The following CCDC78 variants were observed in gnomAD, a reference collection of about 807,000 sequenced individuals.
The protein encoded by CCDC78 is coiled-coil domain containing 78, also known as coiled-coil domain-containing protein 78.
Under a neutral mutation model 61.9 loss-of-function variants are expected in CCDC78, and 78 were observed. The ratio of observed to expected loss-of-function variants is 1.26; its 90% CI spans 1.05 to 1.52. The LOEUF (loss-of-function observed/expected upper bound fraction) is 1.52. CCDC78 is among the 40% of genes most tolerant of loss of function. The probability of loss-of-function intolerance (pLI) is 0.00; values close to 1 mark genes in which losing one functional copy is unlikely to be tolerated. For synonymous variants in CCDC78, 287 were observed against 251.9 expected, an observed-to-expected ratio of 1.14 and a Z score of -1.32; for missense variants, 737 against 615.5, an observed-to-expected ratio of 1.20 and a Z score of -2.09.
chr16:724,208 G>A lies in CCDC78; in HGVS notation c.954-3C>T, dbSNP rs772746916. 2 of 1,592,592 alleles carry A rather than the reference G, an allele frequency of 1.3e-6. No individual in the cohort carries two copies. The highest frequency in any genetic ancestry group is 1.7e-6 in the Non-Finnish European group (2 of 1,168,890). On this transcript the variant is annotated splice_polypyrimidine_tract_variant and splice_region_variant and intron_variant, in intron 9 of 13. Coordinates refer to ENST00000345165, the MANE Select transcript of CCDC78 (RefSeq NM_001378030.1). Reference sequence around the variant, plus strand: ...TAGCTTGGGGGTTCCCAGGTGCCCTGTCAGGGTAGGCTAGTGTCTGTCTGG... The same window carrying A: ...TAGCTTGGGGGTTCCCAGGTGCCCTATCAGGGTAGGCTAGTGTCTGTCTGG...
chr16:724,467 G>C lies in CCDC78; in HGVS notation c.808C>G (p.Leu270Val). The change falls in exon 9 of 14, where the codon CTC becomes GTC. Residue 270 changes from leucine (L) to valine (V), a missense_variant. By Grantham distance (32) the Leu-to-Val change is conservative (BLOSUM62 1). Coordinates refer to ENST00000345165, the MANE Select transcript of CCDC78 (RefSeq NM_001378030.1). ...AGAGTCGCCTCCAGGAATGTCCGGAGGGCCGTGGTGGCTGGCGCTTGGCCT... is the reference window on the plus strand; with the variant it reads ...AGAGTCGCCTCCAGGAATGTCCGGACGGCCGTGGTGGCTGGCGCTTGGCCT... ...GAGQAPATTA[L>V]RTFLEATLED... 6.2e-7 allele frequency: 1 copy of C among 1,601,712 alleles called. No individual in the cohort carries two copies. Among genetic ancestry groups the C allele is most frequent in the African/African-American group, 1.3e-5 (1 of 75,044 alleles).
In CCDC78 at chr16:724,184, A is replaced by G; in HGVS notation, c.975T>C (p.Ala325=). 1.2e-6 allele frequency: 2 copies of G among 1,601,596 alleles called. No individual in the cohort carries two copies. Among genetic ancestry groups the G allele is most frequent in the Non-Finnish European group, 1.7e-6 (2 of 1,173,790 alleles). ...GGTCCAAGCTGGCTATGTCAAAAAT[A>G]GCTTGGGGGTTCCCAGGTGCCCTGT... ...VAYRAPGNPQ[A]IFDIASLDLE... is the part of the protein sequence containing the mutation. The change falls in exon 10 of 14, where the codon GCT becomes GCC. Residue 325 remains alanine, a synonymous_variant. Transcript: ENST00000345165.
In CCDC78 at chr16:724,817, A is replaced by C. The variant is rs375444284; in HGVS notation, c.640-11T>G. The C allele has an allele frequency of 6.2e-7, 1 of 1,611,680 alleles. No homozygotes were observed. The highest frequency in any genetic ancestry group is 1.3e-5 in the African/African-American group (1 of 74,914). On this transcript the variant is annotated splice_polypyrimidine_tract_variant and intron_variant, in intron 7 of 13. Transcript: ENST00000345165. ...GCAGCTGCACAGCACCTGGGGTGGA[A>C]GCAGCCCTCCACCTGTGCCCTGAGA... is the stretch of plus-strand genomic sequence containing the variant.
intron 3 of CCDC78, 98 bp downstream of exon 3, chr16:725,688 GAGACCCAC>G (rs1242451421): frequency 1.3e-6 from 2 of 1,570,836 alleles, no homozygotes; most frequent in Non-Finnish European, 1.7e-6. Flanking sequence ...GAGGCAGGCT[GAGACCCAC>G]AGATGCCATG....
upstream of CCDC78, chr16:726,695 C>G (rs2040975432): frequency 4.2e-6 from 2 of 479,774 alleles, no homozygotes; most frequent in Admixed American, 8.3e-5. Flanking sequence ...CGGCAGCCCG[C>G]CCGCAGGATG....
rs148595483 is a variant in CCDC78, at chr16:724,193, G to A, written c.966C>T (p.Asn322=). The A allele has an allele frequency of 3.1e-6, 5 of 1,597,390 alleles. No homozygotes were observed. The highest frequency in any genetic ancestry group is 3.4e-6 in the Non-Finnish European group (4 of 1,171,558). Residue 322 remains asparagine (N), a synonymous_variant, in exon 10 of 14, where the codon AAC becomes AAT. Transcript: ENST00000345165. ...TGGCTATGTCAAAAATAGCTTGGGG[G>A]TTCCCAGGTGCCCTGTCAGGGTAGG... ...ELLVAYRAPG[N]PQAIFDIASL...
Position 726,062 on chromosome 16 carries a change from C to T in CCDC78, c.84G>A (p.Trp28Ter). The T allele has an allele frequency of 5.8e-6, 9 of 1,548,718 alleles. No individual in the cohort carries two copies. Among genetic ancestry groups the T allele is most frequent in the Non-Finnish European group, 7.0e-6 (8 of 1,146,700 alleles). Reference sequence around the variant, plus strand: ...CGGTGCCCCCAGGAGCTCCTGGCAGCCAGTCCTTGGCTCGTAGCACAACCT... The same window carrying T: ...CGGTGCCCCCAGGAGCTCCTGGCAGTCAGTCCTTGGCTCGTAGCACAACCT... ...VENVVLRAKD[W>*]LPGAPGGTAV... is the part of the protein sequence containing the mutation. Residue 28 changes from tryptophan (W) to a stop codon, truncating the protein, a stop_gained, in exon 2 of 14, where the codon TGG (tryptophan) becomes TGA (stop). Transcript: ENST00000345165. LOFTEE classifies it high-confidence loss of function.
Position 724,375 on chromosome 16 carries a change from G to A in CCDC78, c.900C>T (p.His300=). The change falls in exon 9 of 14, where the codon CAC becomes CAT. Residue 300 remains histidine, a synonymous_variant. Transcript: ENST00000345165. ...QQLARAARSY[H]KRLVDLSRRH... is the part of the protein sequence containing the mutation. ...TGCGGCTCAGATCCACCAGCCTCTT[G>A]TGGTAGCTGCGGGCAGCCCGGGCCA... is the stretch of plus-strand genomic sequence containing the variant. 6.2e-7 allele frequency: 1 copy of A among 1,612,218 alleles called. No individual in the cohort carries two copies. The highest frequency in any genetic ancestry group is 8.5e-7 in the Non-Finnish European group (1 of 1,179,908).
Position 722,788 on chromosome 16 carries a change from A to G in CCDC78, c.1303T>C (p.Tyr435His). 6.2e-7 allele frequency: 1 copy of G among 1,612,542 alleles called. No individual in the cohort carries two copies. The highest frequency in any genetic ancestry group is 1.1e-5 in the South Asian group (1 of 91,082). ...QEYVDQHLGR[Y>H]KHEILRLRKL... ...CTCAGCCTCAGGATTTCGTGCTTGT[A>G]CCTGCTCAGAGGAACCATGCTTAAG... Residue 435 changes from tyrosine (Y) to histidine (H), a missense_variant and splice_region_variant, in exon 14 of 14, where the codon TAC (tyrosine) becomes CAC (histidine). Physicochemically the swap from Tyr to His is moderately conservative, Grantham distance 83. Coordinates refer to ENST00000345165, the MANE Select transcript of CCDC78 (RefSeq NM_001378030.1).
intron 8 of CCDC78, 29 bp downstream of exon 8, chr16:724,652 A>G (rs749080322): frequency 3.1e-6 from 5 of 1,602,464 alleles, no homozygotes; most frequent in East Asian, 4.5e-5. Flanking sequence ...TGGGCTCCCT[A>G]GGCCTCAGGG....
chr16:726,475 T>A, upstream of CCDC78: 4 of 1,396,564 alleles, frequency 2.9e-6, no homozygotes, highest in Non-Finnish European at 3.8e-6. Flanking sequence ...AAGGCCTCTG[T>A]TGGTCCCAGG....
intron 6 of CCDC78, 30 bp from the exon 7 acceptor site, chr16:725,019 C>T: frequency 1.2e-6 from 2 of 1,612,382 alleles, no homozygotes; most frequent in South Asian, 2.2e-5. Context: ...GCTCAGCAGG[C>T]CCACGATCAG....
rs558573616 is a variant in CCDC78 at position 726,400 on chromosome 16, G to A, written c.-33C>T. On this transcript the variant is annotated 5_prime_UTR_variant, in exon 1 of 14. Coordinates refer to ENST00000345165, the MANE Select transcript of CCDC78 (RefSeq NM_001378030.1). The stretch of plus-strand genomic sequence containing the variant: ...GGAACCCTGGCCAGCTCCGAGCCCG[G>A]TGCTGCCTCCACGCCCGGCTTCCCC... 2.2e-5 allele frequency: 34 copies of A among 1,511,546 alleles called. No individual in the cohort carries two copies. In the East Asian group the frequency reaches 7.4e-4, roughly 33 times the overall value. 93.6% of individuals were successfully genotyped at this position (1,511,546 alleles called of 1,614,324 possible). A position where few individuals can be genotyped will look rare whatever the true frequency, so the allele number is the denominator to read the frequency against.
intron 1 of CCDC78, 26 bp downstream of exon 1, chr16:726,282 G>A: frequency 6.5e-7 from 1 of 1,549,452 alleles, no homozygotes; most frequent in Non-Finnish European, 8.7e-7. Context: ...CCCCATGGCA[G>A]GAGCGGCAAG....
In CCDC78 at chr16:724,305, A is replaced by G. The variant is rs778492814; in HGVS notation, c.953+17T>C. The G allele has an allele frequency of 1.9e-6, 3 of 1,606,274 alleles. No homozygotes were observed. In the African/African-American group the frequency reaches 4.0e-5, roughly 21 times the overall value. Reference sequence around the variant, plus strand: ...GACCCACAGATGCCTGACACCTCCCATCCCAGCGGGGCCCACCTGTAGGCA... The same window carrying G: ...GACCCACAGATGCCTGACACCTCCCGTCCCAGCGGGGCCCACCTGTAGGCA... On this transcript the variant is annotated intron_variant, in intron 9 of 13. Coordinates refer to ENST00000345165, the MANE Select transcript of CCDC78 (RefSeq NM_001378030.1).
intron 8 of CCDC78, 74 bp downstream of exon 8, chr16:724,607 C>G: frequency 1.9e-6 from 3 of 1,569,290 alleles, no homozygotes; most frequent in Non-Finnish European, 2.6e-6. Flanking sequence ...GCCCTGGGGT[C>G]TCCCTGAAGC....
At chr16:725,039 C>T (rs752787323) in intron 6 of CCDC78, 39 bp downstream of exon 6, 3 of 1,612,476 alleles carry the variant, frequency 1.9e-6, no homozygotes, top group Admixed American at 1.7e-5. Context: ...GGGGTTCTCT[C>T]TGCTCCAGGA....
In CCDC78 at chr16:725,970, A is replaced by G. The variant is rs1189723053; in HGVS notation, c.176T>C (p.Leu59Pro). The G allele has an allele frequency of 6.4e-7, 1 of 1,555,846 alleles. No individual in the cohort carries two copies. The change falls in exon 2 of 14, where the codon CTG (leucine) becomes CCG (proline). Residue 59 changes from leucine to proline, a missense_variant. Leu to Pro is a moderately conservative substitution (Grantham distance 98, BLOSUM62 -3). Transcript: ENST00000345165. The part of the protein sequence containing the change: ...PDLALNKEQQ[L>P]QISKELVDIQ... ...ACGCTGGGGCCCCACACCCACCTGC[A>G]GCTGCTGCTCCTTATTGAGCGCTAG...
chr16:724,547 C>A (rs1427329973), intron 8 of CCDC78, 38 bp from the exon 9 acceptor site: 1 of 1,569,056 alleles, frequency 6.4e-7, no homozygotes, highest in Non-Finnish European at 8.6e-7. Context: ...GGGCCCACCC[C>A]CCATCTTTTC....
Sources: allele counts gnomAD v4.1 joint callset, GRCh38; gene constraint gnomAD v4.1.1; transcripts MANE v1.5; gene names NCBI Gene and HGNC (gene_info 2026-07-23, HGNC 2026-07-21).